CAPZB: variants seen among roughly 807,000 people sequenced by gnomAD.
The protein encoded by CAPZB is capping actin protein of muscle Z-line subunit beta.
Under a neutral mutation model 38.1 loss-of-function variants are expected in CAPZB, and 2 were observed. That is an observed-to-expected ratio of 0.05 (90% confidence interval 0.02 to 0.17). The LOEUF (loss-of-function observed/expected upper bound fraction) is 0.17, where lower values mean the gene tolerates loss of function less well. Ranked by LOEUF, CAPZB falls within the 10% of genes least tolerant of loss-of-function variation. CAPZB has a pLI of 1.00. For synonymous variants in CAPZB, 107 were observed against 127.4 expected (o/e 0.84, Z 1.08); for missense variants, 161 against 334.2 (o/e 0.48, Z 4.04).
At chr1:19,460,677 T>C (rs895583793) in intron 1 of CAPZB, among the ~76,000 whole-genome samples, 6 of 143,852 alleles carry the variant, frequency 4.2e-5, no homozygotes, top group African/African-American at 1.6e-4. Context: ...CATCACAGAG[T>C]GCAGGGATTA....
Position 19,339,121 on chromosome 1 carries a change from TTC to T in CAPZB, c.*407_*408del, listed in dbSNP as rs539728404. 166 of 172,868 alleles carry T rather than the reference TTC, an allele frequency of 9.6e-4. No individual in the cohort carries two copies. Among genetic ancestry groups the T allele is most frequent in the Non-Finnish European group, 1.5e-3 (124 of 80,950 alleles). 10.7% of individuals were successfully genotyped at this position (172,868 alleles called of 1,614,324 possible). On this transcript the variant is annotated 3_prime_UTR_variant, in exon 9 of 9. Transcript: ENST00000264202. Reference sequence around the variant, plus strand: ...CACGGAATAAGATTTCCAGTTTTTCTTCTCTCTTTCACACACCACAGTTAGTT... The same window carrying T: ...CACGGAATAAGATTTCCAGTTTTTCTTCTCTTTCACACACCACAGTTAGTT...
At chr1:19,399,521 C>T (rs2094291607) in intron 2 of CAPZB, among the ~76,000 whole-genome samples, 1 of 152,176 alleles carries the variant, frequency 6.6e-6, no homozygotes, top group Non-Finnish European at 1.5e-5. Flanking sequence ...ACTGCAGGGA[C>T]TTGCCACTGG....
chr1:19,358,194 G>A (rs2094032284), intron 4 of CAPZB, among the ~76,000 whole-genome samples: 2 of 152,344 alleles, frequency 1.3e-5, no homozygotes, highest in East Asian at 1.9e-4. Flanking sequence ...CTGGAGTGCA[G>A]TGGCACCATC....
chr1:19,378,609 G>A lies in CAPZB; in HGVS notation c.260C>T (p.Ala87Val). The A allele has an allele frequency of 6.2e-7, 1 of 1,613,204 alleles. No individual in the cohort carries two copies. The highest frequency in any genetic ancestry group is 1.1e-5 in the South Asian group (1 of 91,072). Reference protein sequence around the residue: ...NKYDPPLEDGAMPSARLRKLE... With the variant: ...NKYDPPLEDGVMPSARLRKLE... ...CTTTCTCAGCCGAGCTGACGGCATG[G>A]CCCCATCCTCCAAGGGAGGGTCATA... The change falls in exon 4 of 9, where the codon GCC becomes GTC. Residue 87 changes from alanine (A) to valine (V), a missense_variant. Coordinates refer to ENST00000264202, the MANE Select transcript of CAPZB (RefSeq NM_004930.5).
intron 8 of CAPZB, among the ~76,000 whole-genome samples, chr1:19,343,925 C>T (rs1394731749): frequency 1.3e-5 from 2 of 152,168 alleles, no homozygotes; most frequent in African/African-American, 2.4e-5. Context: ...TGAGAAGGCC[C>T]GGACTGAGGG....
intron 6 of CAPZB, among the ~76,000 whole-genome samples, chr1:19,352,011 C>T (rs1417293942): frequency 6.6e-6 from 1 of 152,196 alleles, no homozygotes; most frequent in Non-Finnish European, 1.5e-5. Context: ...TCAAGCATCT[C>T]CACCCCTGAA....
At chr1:19,365,854 G>T (rs1257566304) in intron 4 of CAPZB, among the ~76,000 whole-genome samples, 2 of 151,822 alleles carry the variant, frequency 1.3e-5, no homozygotes, top group African/African-American at 4.8e-5. Context: ...AAAAGAAAAA[G>T]AAAAGATGGA....
chr1:19,447,763 C>T (rs2094501581), intron 1 of CAPZB, among the ~76,000 whole-genome samples: 1 of 152,150 alleles, frequency 6.6e-6, no homozygotes, highest in African/African-American at 2.4e-5. Flanking sequence ...CCGACCCAGC[C>T]CCAGCAGCTC....
intron 1 of CAPZB, among the ~76,000 whole-genome samples, chr1:19,464,171 A>G (rs982311666): frequency 9.3e-5 from 14 of 150,950 alleles, no homozygotes; most frequent in African/African-American, 3.4e-4. Context: ...TGGGCAACAG[A>G]GCAAGACTCT....
intron 1 of CAPZB, among the ~76,000 whole-genome samples, chr1:19,480,316 T>C (rs1273722946): frequency 6.6e-6 from 1 of 152,124 alleles, no homozygotes; most frequent in Admixed American, 6.6e-5. Flanking sequence ...ATTTCACCCC[T>C]ACTCCCCATC....
intron 1 of CAPZB, among the ~76,000 whole-genome samples, chr1:19,430,266 C>T (rs933740111): frequency 6.6e-6 from 1 of 152,192 alleles, no homozygotes. Context: ...CTACACACTA[C>T]ACACAGGCTC....
intron 2 of CAPZB, among the ~76,000 whole-genome samples, chr1:19,404,123 C>G (rs1164312391): frequency 6.6e-6 from 1 of 150,796 alleles, no homozygotes; most frequent in Non-Finnish European, 1.5e-5. Context: ...GTCCCAGCTA[C>G]TCGGGAGGCT....
Position 19,451,488 on chromosome 1 carries a change from G to A in CAPZB, c.4-31738C>T, listed in dbSNP as rs551859893. On this transcript the variant is annotated intron_variant, in intron 1 of 8. Transcript: ENST00000264202. ...GGTAGAAGGATGCAGAGGAAAGGAC[G>A]GTAATGGGTAAGATAATATGAATAC... is the stretch of plus-strand genomic sequence containing the variant. 2.6e-4 allele frequency among the ~76,000 whole-genome samples: 40 copies of A among 152,218 alleles called. No homozygotes were observed. The South Asian group carries it at 6.0e-3, about 23-fold the overall frequency.
Position 19,432,042 on chromosome 1 carries a change from C to CAAA in CAPZB, c.4-12295_4-12293dup, listed in dbSNP as rs10583269. 2.8e-3 allele frequency among the ~76,000 whole-genome samples: 337 copies of CAAA among 122,330 alleles called. 1 individual carries two copies. The highest frequency in any genetic ancestry group is 4.2e-3 in the Non-Finnish European group (253 of 59,964). 80.3% of individuals were successfully genotyped at this position (122,330 alleles called of 152,430 possible). ...TGCATAACAGAATGAGATCCTGTCTCAAAAAAAAAAAAAAAAAAAAAAAGA... is the reference window on the plus strand; with the variant it reads ...TGCATAACAGAATGAGATCCTGTCTCAAAAAAAAAAAAAAAAAAAAAAAAAAGA... On this transcript the variant is annotated intron_variant, in intron 1 of 8. Coordinates refer to ENST00000264202, the MANE Select transcript of CAPZB (RefSeq NM_004930.5).
chr1:19,484,322 C>G (rs1349041513), intron 1 of CAPZB: 3 of 1,592,380 alleles, frequency 1.9e-6, no homozygotes, highest in African/African-American at 2.7e-5. Context: ...GGTGGCCCCC[C>G]AAGGCCACGG....
chr1:19,403,645 G>GC (rs2100377146), intron 2 of CAPZB, among the ~76,000 whole-genome samples: 1 of 152,354 alleles, frequency 6.6e-6, no homozygotes, highest in East Asian at 1.9e-4. Flanking sequence ...TGCAGAGCAG[G>GC]CAGGGGATGA....
chr1:19,364,291 C>CAA (rs1239433980), intron 4 of CAPZB, among the ~76,000 whole-genome samples: 1 of 152,224 alleles, frequency 6.6e-6, no homozygotes, highest in Non-Finnish European at 1.5e-5. Flanking sequence ...TTGGTGGTTG[C>CAA]ATCAGGGCCT....
intron 1 of CAPZB, among the ~76,000 whole-genome samples, chr1:19,437,615 C>G (rs1034647415): frequency 6.6e-6 from 1 of 152,150 alleles, no homozygotes; most frequent in African/African-American, 2.4e-5. Flanking sequence ...AGGAACAGAA[C>G]ACCATGGGCA....
intron 7 of CAPZB, among the ~76,000 whole-genome samples, chr1:19,344,683 C>T (rs1418124330): frequency 6.6e-6 from 1 of 152,242 alleles, no homozygotes; most frequent in Non-Finnish European, 1.5e-5. Flanking sequence ...GCCAGCTCTG[C>T]CCATGCCTGG....
Sources: allele counts gnomAD v4.1 joint callset (sites outside exome capture counted in the v4.1 genomes callset), GRCh38; gene constraint gnomAD v4.1.1; transcripts MANE v1.5; gene names NCBI Gene and HGNC (gene_info 2026-07-23, HGNC 2026-07-21).